The following KSR1 variants were observed in gnomAD, a reference collection of about 807,000 sequenced individuals.
KSR1 encodes the protein kinase suppressor of ras.
Under a neutral mutation model 92.9 loss-of-function variants are expected in KSR1, and 35 were observed. That is an observed-to-expected ratio of 0.38 (90% CI 0.29 to 0.50). The LOEUF is 0.50. KSR1 is among the 20% of genes least tolerant of loss of function. The pLI is 0.94. For synonymous variants in KSR1, 467 were observed against 472.6 expected, an observed-to-expected ratio of 0.99 and a Z score of 0.15; for missense variants, 972 against 1,158.5, an observed-to-expected ratio of 0.84 and a Z score of 2.34.
chr17:27,604,843 C>A, intron 13 of KSR1, 115 bp downstream of exon 13: 1 of 994,450 alleles, frequency 1.0e-6, no homozygotes, highest in Non-Finnish European at 1.6e-6. Flanking sequence ...CAAGGGCTGT[C>A]CCAGGCACCC....
At chr17:27,520,954 C>G (rs1404783674) in intron 1 of KSR1, among the ~76,000 whole-genome samples, 2 of 152,240 alleles carry the variant, frequency 1.3e-5, no homozygotes, top group African/African-American at 4.8e-5. Context: ...ACAGCAGGCA[C>G]TATGGGCTGT....
At chr17:27,526,814 T>A in intron 1 of KSR1, 1 of 892,258 alleles carries the variant, frequency 1.1e-6, no homozygotes, top group Non-Finnish European at 1.8e-6. Context: ...CGTGGCGTGG[T>A]ATTTGGGCTC....
intron 2 of KSR1, among the ~76,000 whole-genome samples, chr17:27,576,066 G>T (rs74768000): frequency 0.014 from 2,098 of 152,268 alleles, 132 homozygotes; most frequent in Admixed American, 0.11. Context: ...TCAGCCAGGG[G>T]CTACTTTTTT....
At chr17:27,463,810 G>A (rs1179560066) in intron 1 of KSR1, among the ~76,000 whole-genome samples, 1 of 152,190 alleles carries the variant, frequency 6.6e-6, no homozygotes, top group Non-Finnish European at 1.5e-5. Flanking sequence ...ATTCTTGGTT[G>A]CATCCCTAAC....
At chr17:27,599,678 T>G (rs968745531) in intron 10 of KSR1, among the ~76,000 whole-genome samples, 2 of 152,342 alleles carry the variant, frequency 1.3e-5, no homozygotes, top group East Asian at 3.9e-4. Context: ...CTAAATTTAT[T>G]TTAAAATATT....
At chr17:27,597,532 C>A in intron 10 of KSR1, 96 bp downstream of exon 10, 1 of 1,277,542 alleles carries the variant, frequency 7.8e-7, no homozygotes, top group Non-Finnish European at 1.1e-6. Context: ...CAGACATGGC[C>A]ACAGCTAAGA....
At chr17:27,512,591 C>T (rs530074815) in intron 1 of KSR1, among the ~76,000 whole-genome samples, 7 of 152,234 alleles carry the variant, frequency 4.6e-5, no homozygotes, top group Admixed American at 1.3e-4. Context: ...GATGTGGTGG[C>T]GTATGCTTGT....
At chr17:27,544,715 C>G (rs2071096702) in intron 1 of KSR1, among the ~76,000 whole-genome samples, 1 of 152,234 alleles carries the variant, frequency 6.6e-6, no homozygotes, top group Admixed American at 6.5e-5. Flanking sequence ...AGGTGCTTGT[C>G]TATTCCGGAA....
intron 17 of KSR1, 61 bp from the exon 18 acceptor site, chr17:27,611,433 C>T (rs2073913449): frequency 1.9e-6 from 3 of 1,608,236 alleles, no homozygotes; most frequent in East Asian, 2.2e-5. Flanking sequence ...GCTCAAGGGC[C>T]CCTGGGCTTG....
rs375776670 is a variant in KSR1 at position 27,456,919 on chromosome 17, A to T, written c.231+45A>T. 42 of 764,102 alleles carry T rather than the reference A, an allele frequency of 5.5e-5. No individual in the cohort carries two copies. In the East Asian group the frequency reaches 8.4e-4, roughly 15 times the overall value. 47.3% of individuals were successfully genotyped at this position (764,102 alleles called of 1,614,324 possible). On this transcript the variant is annotated intron_variant, in intron 1 of 20. Coordinates refer to ENST00000644974, the MANE Select transcript of KSR1 (RefSeq NM_001394583.1). ...GGCTGGGCTCGAGGAGCGGGCCCGG[A>T]CACCTCCCTCCGGGCCCCAGTACTC...
intron 1 of KSR1, among the ~76,000 whole-genome samples, chr17:27,534,717 T>G (rs1567801712): frequency 6.6e-6 from 1 of 152,228 alleles, no homozygotes; most frequent in Non-Finnish European, 1.5e-5. Flanking sequence ...CAGTTACAGC[T>G]GTGTTGCCTG....
intron 1 of KSR1, among the ~76,000 whole-genome samples, chr17:27,537,867 A>G (rs2070808568): frequency 6.6e-6 from 1 of 152,240 alleles, no homozygotes; most frequent in Non-Finnish European, 1.5e-5. Context: ...AACGTGCATC[A>G]AAAACCTAAA....
intron 1 of KSR1, among the ~76,000 whole-genome samples, chr17:27,482,465 A>G (rs537012953): frequency 1.2e-4 from 19 of 152,352 alleles, no homozygotes; most frequent in African/African-American, 3.6e-4. Flanking sequence ...ATAAAGTTAC[A>G]TGAGTCTCGG....
chr17:27,505,990 C>T (rs1204931393), intron 1 of KSR1, among the ~76,000 whole-genome samples: 5 of 152,066 alleles, frequency 3.3e-5, no homozygotes, highest in Admixed American at 2.0e-4. Flanking sequence ...TCATTTTTTT[C>T]TTTTCCTAGA....
intron 2 of KSR1, among the ~76,000 whole-genome samples, chr17:27,558,628 C>A (rs912577455): frequency 1.3e-5 from 2 of 151,872 alleles, no homozygotes; most frequent in Non-Finnish European, 2.9e-5. Context: ...AAAGTCACTG[C>A]AGGATAGAGG....
rs530807966 is a variant in KSR1, at chr17:27,559,275, G to A, written c.372+8567G>A. Among the ~76,000 whole-genome samples the A allele has an allele frequency of 9.2e-4, 140 of 152,306 alleles. No individual in the cohort carries two copies. The highest frequency in any genetic ancestry group is 3.2e-3 in the African/African-American group (131 of 41,566). ...TCAGATGCCAGCCCTCTGCGGCTCC[G>A]AGCCTGCTGCGGCGCTGCATGCCTG... is the stretch of plus-strand genomic sequence containing the variant. On this transcript the variant is annotated intron_variant, in intron 2 of 20. Transcript: ENST00000644974. This position sits in a 1 kb window ranked among gnomAD's most constrained non-coding sequence, Gnocchi z 4.2.
At position 27,494,799 on chromosome 17, in the gene KSR1, T is replaced by C. The variant is rs373645393; in HGVS notation, c.231+37925T>C. Reference sequence around the variant, plus strand: ...AATGAAAGCTTCTCTGAGAGTGCCATTGGGCGGTGTCCCTTCCAAGTTCTC... The same window carrying C: ...AATGAAAGCTTCTCTGAGAGTGCCACTGGGCGGTGTCCCTTCCAAGTTCTC... On this transcript the variant is annotated intron_variant, in intron 1 of 20. Transcript: ENST00000644974. Among the ~76,000 whole-genome samples, 325 of 152,334 alleles carry C rather than the reference T, an allele frequency of 2.1e-3. 9 individuals are homozygous for C. In the South Asian group the frequency reaches 0.065, roughly 30 times the overall value.
Position 27,493,155 on chromosome 17 carries a change from G to A in KSR1, c.231+36281G>A, listed in dbSNP as rs531847704. 4.1e-4 allele frequency among the ~76,000 whole-genome samples: 62 copies of A among 152,204 alleles called. 1 individual carries two copies. The highest frequency in any genetic ancestry group is 1.4e-3 in the African/African-American group (60 of 41,514). On this transcript the variant is annotated intron_variant, in intron 1 of 20. Transcript: ENST00000644974. ...ATAACCCCAGTCTCCTTTAATCCTC[G>A]TGAAACCCTATGAAGCAATAAGGGA...
chr17:27,544,532 A>G (rs1207841047), intron 1 of KSR1, among the ~76,000 whole-genome samples: 1 of 152,198 alleles, frequency 6.6e-6, no homozygotes, highest in Non-Finnish European at 1.5e-5. Flanking sequence ...ACCTGATACT[A>G]TTCTCTTTCT....
Sources: allele counts gnomAD v4.1 joint callset (sites outside exome capture counted in the v4.1 genomes callset), GRCh38; gene constraint gnomAD v4.1.1; non-coding constraint Gnocchi (gnomAD v3.1); transcripts MANE v1.5; gene names NCBI Gene and HGNC (gene_info 2026-07-23, HGNC 2026-07-21).